ARSH: variants seen among roughly 807,000 people sequenced by gnomAD.
The protein encoded by ARSH is arylsulfatase H.
Under a neutral mutation model 28.7 loss-of-function variants are expected in ARSH, and 32 were observed. The observed-to-expected ratio is 1.11, with a 90% CI of 0.84 to 1.50. ARSH has a LOEUF of 1.50. Ranked by LOEUF, ARSH falls within the 40% of genes most tolerant of loss-of-function variation. The probability of loss-of-function intolerance (pLI) is 0.00; values close to 1 mark genes in which losing one functional copy is unlikely to be tolerated. For synonymous variants in ARSH, 176 were observed against 177.3 expected, an observed-to-expected ratio of 0.99 and a Z score of 0.06; for missense variants, 440 against 452.4, an observed-to-expected ratio of 0.97 and a Z score of 0.25.
At chrX:3,014,833 G>A (rs1361594824) in intron 3 of ARSH, 137 bp from the exon 4 acceptor site, 45 of 581,007 alleles carry the variant, frequency 7.7e-5, no homozygotes, top group Non-Finnish European at 5.3e-6. Flanking sequence ...GAGGTATTTG[G>A]GGATATCAAG....
chrX:3,008,449 T>TTTTCTTTCTTTCTTTCTTTC (rs554017732), intron 1 of ARSH, among the ~76,000 whole-genome samples: 1 of 75,847 alleles, frequency 1.3e-5, no homozygotes, highest in Non-Finnish European at 2.5e-5. Flanking sequence ...CTTCTTCTTA[T>TTTTCTTTCTTTCTTTCTTTC]TTTCTTTCTT....
At chrX:3,012,592 TATATATA>T (rs1569122673) in intron 2 of ARSH, among the ~76,000 whole-genome samples, 30 of 25,760 alleles carry the variant, frequency 1.2e-3, no homozygotes, top group African/African-American at 4.9e-3. Context: ...TATATATATA[TATATATA>T]ATATATATAT....
chrX:3,015,285 G>A lies in ARSH; in HGVS notation c.656G>A (p.Arg219Gln). 3 of 1,211,174 alleles carry A rather than the reference G, an allele frequency of 2.5e-6. No individual in the cohort carries two copies. Among genetic ancestry groups the A allele is most frequent in the South Asian group, 1.8e-5 (1 of 56,927 alleles). The change falls in exon 4 of 9, where the codon CGA becomes CAA. Residue 219 changes from arginine (R) to glutamine (Q), a missense_variant. Physicochemically the swap from Arg to Gln is conservative, Grantham distance 43. Transcript: ENST00000381130. ...TSWYSSYGFT[R>Q]RWNCILMRNH... ...TGGTACTCTAGTTATGGATTTACTC[G>A]ACGTTGGAATTGCATCCTTATGAGG...
chrX:3,017,627 G>A (rs67906194), intron 4 of ARSH, among the ~76,000 whole-genome samples: 25,070 of 111,026 alleles, frequency 0.23, 2,546 homozygotes, highest in South Asian at 0.37. Flanking sequence ...TTTCTCTCTT[G>A]GGGTAGGCAG....
At chrX:3,024,180 C>G in intron 6 of ARSH, 25 bp downstream of exon 6, 1 of 1,131,124 alleles carries the variant, frequency 8.8e-7, no homozygotes, top group Non-Finnish European at 1.2e-6. Flanking sequence ...AGAACCAACG[C>G]CTGTCCATTT....
chrX:3,030,193 C>G (rs1413928290), intron 8 of ARSH, among the ~76,000 whole-genome samples: 1 of 111,365 alleles, frequency 9.0e-6, no homozygotes, highest in Non-Finnish European at 1.9e-5. Flanking sequence ...GAATGAGGAG[C>G]CCAAGCAACA....
chrX:3,020,401 A>T (rs995881455), intron 5 of ARSH, among the ~76,000 whole-genome samples: 65 of 106,623 alleles, frequency 6.1e-4, no homozygotes, highest in Non-Finnish European at 1.2e-4. Context: ...CATCCTGGCT[A>T]ACACGGTGAA....
In ARSH at chrX:3,033,248, C is replaced by G; in HGVS notation, c.1552C>G (p.Arg518Gly). ...KKMEAAIREH[R>G]RTLTPVPQQF... ...GATGGAGGCAGCCATAAGAGAGCAT[C>G]GTAGGACACTAACACCTGTCCCACA... The change falls in exon 9 of 9, where the codon CGT (arginine) becomes GGT (glycine). Residue 518 changes from arginine to glycine, a missense_variant. Transcript: ENST00000381130. 7 of 1,211,515 alleles carry G rather than the reference C, an allele frequency of 5.8e-6. No individual in the cohort carries two copies. The highest frequency in any genetic ancestry group is 7.8e-6 in the Non-Finnish European group (7 of 895,422).
At chrX:3,025,980 A>G (rs897897213) in intron 6 of ARSH, among the ~76,000 whole-genome samples, 1 of 110,910 alleles carries the variant, frequency 9.0e-6, no homozygotes, top group African/African-American at 3.3e-5. Context: ...CTGTGAAGCG[A>G]TGAATTCAAT....
intron 6 of ARSH, 124 bp downstream of exon 6, chrX:3,024,279 A>G (rs1469848100): frequency 1.5e-5 from 11 of 742,747 alleles, no homozygotes; most frequent in Non-Finnish European, 1.6e-5. Context: ...ACTCTTATTA[A>G]GCTAGACCGA....
At chrX:3,021,069 C>A (rs1268928426) in intron 5 of ARSH, among the ~76,000 whole-genome samples, 1 of 110,455 alleles carries the variant, frequency 9.1e-6, no homozygotes, top group Non-Finnish European at 1.9e-5. Context: ...TAGTTTAATT[C>A]CTTGGTAACG....
Position 3,006,658 on chromosome X carries a change from G to T in ARSH, c.46G>T (p.Asp16Tyr). The T allele has an allele frequency of 8.3e-7, 1 of 1,211,372 alleles. No homozygotes were observed. Among genetic ancestry groups the T allele is most frequent in the Non-Finnish European group, 1.1e-6 (1 of 895,375 alleles). ...RPNIVLLMAD[D>Y]LGVGDLCCYG... ...CAACATTGTCCTGCTGATGGCAGATGACCTTGGAGTGGGGGATTTGTGCTG... is the reference window on the plus strand; with the variant it reads ...CAACATTGTCCTGCTGATGGCAGATTACCTTGGAGTGGGGGATTTGTGCTG... Residue 16 changes from aspartate (D) to tyrosine (Y), a missense_variant, in exon 1 of 9, where the codon GAC becomes TAC. Asp to Tyr is a radical substitution (Grantham distance 160). Coordinates refer to ENST00000381130, the MANE Select transcript of ARSH (RefSeq NM_001011719.2).
At chrX:3,031,990 C>T (rs5982632) in intron 8 of ARSH, among the ~76,000 whole-genome samples, 1,724 of 111,590 alleles carry the variant, frequency 0.015, 31 homozygotes, top group African/African-American at 0.053. Flanking sequence ...AAACCAAAGG[C>T]GGTAAAGAAT....
At position 3,027,477 on chromosome X, in the gene ARSH, T is replaced by G; in HGVS notation, c.1199+2T>G. On this transcript the variant is annotated splice_donor_variant, in intron 7 of 8. Transcript: ENST00000381130. LOFTEE classifies it high-confidence loss of function. ...CGGAGGGATCTTGTCCCAGGACAGG[T>G]ATGGAAACAGTGTTTGCTCCTAACC... 9.9e-6 allele frequency: 12 copies of G among 1,208,075 alleles called. No individual in the cohort carries two copies. Among genetic ancestry groups the G allele is most frequent in the Non-Finnish European group, 1.3e-5 (12 of 893,451 alleles).
chrX:3,012,345 C>G (rs993245694), intron 2 of ARSH, among the ~76,000 whole-genome samples: 7 of 102,204 alleles, frequency 6.8e-5, no homozygotes, highest in South Asian at 4.6e-4. Flanking sequence ...AGAGACCAGC[C>G]CGGCCAACAT....
At chrX:3,031,585 A>G (rs1458021551) in intron 8 of ARSH, among the ~76,000 whole-genome samples, 1 of 111,466 alleles carries the variant, frequency 9.0e-6, no homozygotes. Context: ...GGTGTGATGT[A>G]TCTTCATTTT....
chrX:3,027,547 ATG>A, intron 7 of ARSH, 72 bp downstream of exon 7: 7 of 1,043,355 alleles, frequency 6.7e-6, no homozygotes, highest in South Asian at 2.1e-5. Flanking sequence ...TGATAATTCT[ATG>A]TGTGTGTGTA....
Position 3,007,332 on chromosome X carries a change from G to GTCACCTCTGTGTAGTTGCAGAATTTT in ARSH, c.92+633_92+634insTCTGTGTAGTTGCAGAATTTTTCACC, listed in dbSNP as rs751924909. Among the ~76,000 whole-genome samples, 561 of 108,098 alleles carry GTCACCTCTGTGTAGTTGCAGAATTTT rather than the reference G, an allele frequency of 5.2e-3. 4 individuals are homozygous for GTCACCTCTGTGTAGTTGCAGAATTTT. The highest frequency in any genetic ancestry group is 0.018 in the African/African-American group (546 of 30,266). 93.9% of individuals were successfully genotyped at this position (108,098 alleles called of 115,157 possible). ...GGTACATTCACAGTGTTGGACAACC[G>GTCACCTCTGTGTAGTTGCAGAATTTT]TCACCCCCACAAAGAAGACCCCCAT... On this transcript the variant is annotated intron_variant, in intron 1 of 8. Coordinates refer to ENST00000381130, the MANE Select transcript of ARSH (RefSeq NM_001011719.2).
At chrX:3,026,642 G>T (rs938345258) in intron 6 of ARSH, among the ~76,000 whole-genome samples, 1 of 111,244 alleles carries the variant, frequency 9.0e-6, no homozygotes, top group Non-Finnish European at 1.9e-5. Context: ...TTGATCTTAC[G>T]GCAAGGGCTT....
Sources: gnomAD v4.1 joint callset for allele counts (sites outside exome capture counted in the v4.1 genomes callset) on GRCh38, gnomAD v4.1.1 for gene constraint, MANE v1.5 for transcripts, NCBI Gene and HGNC (gene_info 2026-07-23, HGNC 2026-07-21) for gene names.